Variants in ASMTL observed in about 807,000 individuals in gnomAD.
ASMTL encodes probable bifunctional dTTP/UTP pyrophosphatase/methyltransferase protein.
Under a neutral mutation model 60.3 loss-of-function variants are expected in ASMTL, and 57 were observed. The ratio of observed to expected loss-of-function variants is 0.95; its 90% CI spans 0.76 to 1.18. The LOEUF (loss-of-function observed/expected upper bound fraction) is 1.18. ASMTL is among the 50% of genes most tolerant of loss of function. ASMTL has a pLI of 0.00. For synonymous variants in ASMTL, 419 were observed against 373.0 expected, an observed-to-expected ratio of 1.12 and a Z score of -1.42; for missense variants, 981 against 852.6, an observed-to-expected ratio of 1.15 and a Z score of -1.88.
At chrX:1,434,288 G>A (rs781625707) in intron 5 of ASMTL, among the ~76,000 whole-genome samples, 9 of 152,120 alleles carry the variant, frequency 5.9e-5, no homozygotes, top group East Asian at 3.9e-4. Context: ...CCAGGAGTTC[G>A]AGACCAGTCT....
chrX:1,425,411 G>A, intron 8 of ASMTL, 114 bp downstream of exon 8: 2 of 1,220,266 alleles, frequency 1.6e-6, no homozygotes, highest in South Asian at 1.5e-5. Flanking sequence ...CCTGAGGGCA[G>A]AGGGACAGAA....
intron 1 of ASMTL, among the ~76,000 whole-genome samples, chrX:1,450,929 T>C: frequency 1.0e-5 from 1 of 98,942 alleles, no homozygotes; most frequent in Non-Finnish European, 2.0e-5. Flanking sequence ...TCCCCATTCC[T>C]AGGGGGTCCT....
chrX:1,452,712 C>T, intron 1 of ASMTL, 36 bp downstream of exon 1: 1 of 1,541,964 alleles, frequency 6.5e-7, no homozygotes, highest in South Asian at 1.2e-5. Flanking sequence ...GCCCCTCCGT[C>T]CCCGGTCCCC....
intron 1 of ASMTL, among the ~76,000 whole-genome samples, chrX:1,444,305 A>T (rs1182767360): frequency 1.3e-5 from 2 of 149,498 alleles, no homozygotes; most frequent in Non-Finnish European, 3.0e-5. Context: ...ATCTCCCAGG[A>T]TCAAGCGATT....
intron 12 of ASMTL, among the ~76,000 whole-genome samples, chrX:1,412,212 G>A (rs2090055821): frequency 6.6e-6 from 1 of 151,844 alleles, no homozygotes; most frequent in African/African-American, 2.4e-5. Context: ...AGTCACATAA[G>A]CCAATTCTTT....
At chrX:1,435,474 G>A in intron 4 of ASMTL, 1 of 631,400 alleles carries the variant, frequency 1.6e-6, no homozygotes, top group Non-Finnish European at 2.9e-6. Flanking sequence ...CAGTGGGCAT[G>A]AGACATTCTG....
chrX:1,422,729 G>T (rs1462557233), intron 8 of ASMTL, among the ~76,000 whole-genome samples: 1 of 152,028 alleles, frequency 6.6e-6, no homozygotes, highest in Non-Finnish European at 1.5e-5. Context: ...TTTTCCCACC[G>T]AGCTGACCCT....
At chrX:1,416,318 GACACAC>G (rs377553148) in intron 11 of ASMTL, among the ~76,000 whole-genome samples, 3 of 88,594 alleles carry the variant, frequency 3.4e-5, no homozygotes, top group Non-Finnish European at 4.7e-5. Context: ...TGCACAGCTG[GACACAC>G]ACACACACGG....
At chrX:1,411,353 C>A (rs2090012625) in intron 12 of ASMTL, among the ~76,000 whole-genome samples, 1 of 152,152 alleles carries the variant, frequency 6.6e-6, no homozygotes, top group South Asian at 2.1e-4. Context: ...TGCAAATATT[C>A]CAGGAATTCT....
At chrX:1,447,238 G>T (rs2091246445) in intron 1 of ASMTL, among the ~76,000 whole-genome samples, 1 of 152,232 alleles carries the variant, frequency 6.6e-6, no homozygotes, top group Admixed American at 6.5e-5. Context: ...TAACTAGAGG[G>T]TCTGGATTCA....
rs1314943441 is a variant in ASMTL, at chrX:1,452,899, C to A, written c.-59G>T. 2.8e-5 allele frequency: 38 copies of A among 1,339,346 alleles called. 1 individual carries two copies. The highest frequency in any genetic ancestry group is 2.3e-4 in the African/African-American group (15 of 64,992). The allele number at this position is 1,339,346 out of a possible 1,614,324, so 83.0% of individuals were successfully genotyped here. A position where few individuals can be genotyped will look rare whatever the true frequency, so the allele number is the denominator to read the frequency against. ...CTGAGCCCGGAGCCCGCGGTGCGCGCAGCGCGGCTGCAAAAAAAACAGGCG... is the reference window on the plus strand; with the variant it reads ...CTGAGCCCGGAGCCCGCGGTGCGCGAAGCGCGGCTGCAAAAAAAACAGGCG... On this transcript the variant is annotated 5_prime_UTR_variant, in exon 1 of 13. Coordinates refer to ENST00000381317, the MANE Select transcript of ASMTL (RefSeq NM_004192.4).
chrX:1,417,861 C>T, intron 11 of ASMTL, 112 bp downstream of exon 11: 2 of 1,391,828 alleles, frequency 1.4e-6, no homozygotes, highest in Non-Finnish European at 1.9e-6. Flanking sequence ...CACATACCCA[C>T]CATGGAAACG....
chrX:1,443,139 A>ACAC (rs2091146430), intron 1 of ASMTL, among the ~76,000 whole-genome samples: 22 of 150,886 alleles, frequency 1.5e-4, no homozygotes, highest in Admixed American at 6.6e-4. Flanking sequence ...TCGTGGACAC[A>ACAC]CGCCGCCATC....
intron 3 of ASMTL, among the ~76,000 whole-genome samples, chrX:1,436,812 C>T (rs2090978117): frequency 6.6e-6 from 1 of 152,218 alleles, no homozygotes; most frequent in Admixed American, 6.5e-5. Flanking sequence ...TTTGGTGGAA[C>T]ACCTGTTTTG....
intron 11 of ASMTL, among the ~76,000 whole-genome samples, chrX:1,417,650 G>C (rs1339476329): frequency 1.8e-4 from 27 of 149,312 alleles, no homozygotes; most frequent in Non-Finnish European, 2.8e-4. Context: ...TACCCACACA[G>C]ACACACACAC....
At chrX:1,444,689 C>G (rs1244494316) in intron 1 of ASMTL, among the ~76,000 whole-genome samples, 1 of 151,940 alleles carries the variant, frequency 6.6e-6, no homozygotes, top group Non-Finnish European at 1.5e-5. Flanking sequence ...CTTTCTCTCT[C>G]TCCCTCTTTG....
Position 1,435,049 on chromosome X carries a change from C to A in ASMTL, c.373G>T (p.Val125Phe). Residue 125 changes from valine to phenylalanine, a missense_variant, in exon 5 of 13, where the codon GTC becomes TTC. Physicochemically the swap from Val to Phe is conservative, Grantham distance 50. Transcript: ENST00000381317. ...TTGCTGGAGCAGTGGACGATCGCGA[C>A]ACCTGTGAACACGCTGTGTTCTCTC... ...SGREHSVFTG[V>F]AIVHCSSKDH... is the part of the protein sequence containing the mutation. The A allele has an allele frequency of 6.2e-7, 1 of 1,609,680 alleles. No individual in the cohort carries two copies. Among genetic ancestry groups the A allele is most frequent in the Non-Finnish European group, 8.5e-7 (1 of 1,177,078 alleles).
chrX:1,453,033 C>T, upstream of ASMTL: 1 of 525,578 alleles, frequency 1.9e-6, no homozygotes, highest in Non-Finnish European at 3.1e-6. Context: ...GCCACGCCTC[C>T]ATTGAACACT....
chrX:1,413,490 CCT>C lies in ASMTL; in HGVS notation c.1523-638_1523-637del, dbSNP rs749885177. Reference sequence around the variant, plus strand: ...ATGGCAGGGCCTTCTCTGGTGATCCCCTGATTCAGGCGCCCCAGGAGGGTTGC... The same window carrying C: ...ATGGCAGGGCCTTCTCTGGTGATCCCGATTCAGGCGCCCCAGGAGGGTTGC... On this transcript the variant is annotated intron_variant, in intron 11 of 12. Transcript: ENST00000381317. Among the ~76,000 whole-genome samples the C allele has an allele frequency of 2.2e-3, 332 of 152,334 alleles. 1 individual carries two copies. Among genetic ancestry groups the C allele is most frequent in the African/African-American group, 6.8e-3 (282 of 41,580 alleles).
Sources: allele counts gnomAD v4.1 joint callset (sites outside exome capture counted in the v4.1 genomes callset), GRCh38; gene constraint gnomAD v4.1.1; transcripts MANE v1.5; gene names NCBI Gene and HGNC (gene_info 2026-07-23, HGNC 2026-07-21).